The following RBFOX1 variants were observed in gnomAD, a reference collection of about 807,000 sequenced individuals.
The protein encoded by RBFOX1 is RNA binding protein fox-1 homolog 1.
Under a neutral mutation model 57.7 loss-of-function variants are expected in RBFOX1, and 8 were observed. The observed-to-expected ratio is 0.14, with a 90% confidence interval of 0.08 to 0.25. The LOEUF is 0.25. RBFOX1 is among the 10% of genes least tolerant of loss of function. The pLI, the probability that RBFOX1 is intolerant of heterozygous loss-of-function variation, is 1.00. For missense variants in RBFOX1, 611 were observed against 548.5 expected, an observed-to-expected ratio of 1.11 and a Z score of -1.14; for synonymous variants, 326 against 222.4, an observed-to-expected ratio of 1.47 and a Z score of -4.15.
At chr16:7,129,500 T>C (rs2069608650) in intron 4 of RBFOX1, among the ~76,000 whole-genome samples, 1 of 152,100 alleles carries the variant, frequency 6.6e-6, no homozygotes, top group Non-Finnish European at 1.5e-5. Flanking sequence ...ATTGGGTAAA[T>C]TTCAAGGATA....
chr16:5,934,440 A>G (rs937336758), intron 4 of RBFOX1, among the ~76,000 whole-genome samples: 1 of 152,244 alleles, frequency 6.6e-6, no homozygotes, highest in African/African-American at 2.4e-5. Flanking sequence ...TTAAAAACTG[A>G]GTCCACTTAA....
At chr16:7,233,543 G>T (rs1323652332) in intron 4 of RBFOX1, among the ~76,000 whole-genome samples, 1 of 152,120 alleles carries the variant, frequency 6.6e-6, no homozygotes, top group African/African-American at 2.4e-5. Flanking sequence ...TTAAAGTCCT[G>T]AAAATTTTAC....
At chr16:6,558,422 T>C (rs2097134530) in intron 2 of RBFOX1, among the ~76,000 whole-genome samples, 1 of 152,194 alleles carries the variant, frequency 6.6e-6, no homozygotes, top group African/African-American at 2.4e-5. Context: ...GTGCATTTTT[T>C]AGTTTTAGAA....
intron 4 of RBFOX1, among the ~76,000 whole-genome samples, chr16:7,435,400 C>T (rs1437627560): frequency 6.6e-6 from 1 of 152,006 alleles, no homozygotes; most frequent in Non-Finnish European, 1.5e-5. Flanking sequence ...ATGAAAATGA[C>T]TTATCGCTGT....
intron 1 of RBFOX1, among the ~76,000 whole-genome samples, chr16:6,114,516 C>T (rs889752393): frequency 3.9e-5 from 6 of 151,948 alleles, no homozygotes; most frequent in African/African-American, 1.5e-4. Flanking sequence ...GTTTATTCCT[C>T]ATTTTTCTAA....
intron 1 of RBFOX1, chr16:6,092,463 T>C (rs1170183804): frequency 1.3e-5 from 2 of 152,174 alleles, no homozygotes; most frequent in Non-Finnish European, 2.9e-5. Context: ...TTCTAATAAA[T>C]TGAAAATGTT....
chr16:6,855,072 G>T (rs2142144511), intron 3 of RBFOX1, among the ~76,000 whole-genome samples: 1 of 152,100 alleles, frequency 6.6e-6, no homozygotes, highest in East Asian at 1.9e-4. Context: ...AGAGGAGAGA[G>T]TGATGATCCC....
intron 3 of RBFOX1, among the ~76,000 whole-genome samples, chr16:6,945,724 C>G (rs1470943744): frequency 2.0e-5 from 3 of 152,126 alleles, no homozygotes; most frequent in Non-Finnish European, 4.4e-5. Flanking sequence ...AAACCCGTCT[C>G]TACTAAAAAT....
intron 4 of RBFOX1, among the ~76,000 whole-genome samples, chr16:7,477,968 G>C (rs932105039): frequency 2.0e-5 from 3 of 152,128 alleles, no homozygotes; most frequent in African/African-American, 7.2e-5. Context: ...TTGAGACTTT[G>C]ACTTTGATTC....
rs768834680 is a variant in RBFOX1, at chr16:7,633,401, A to G, written c.757+2718A>G. Among the ~76,000 whole-genome samples, 12 of 152,348 alleles carry G rather than the reference A, an allele frequency of 7.9e-5. No individual in the cohort carries two copies. The South Asian group carries it at 2.5e-3, about 32-fold the overall frequency. ...GTATCAGTCGTATTACCTGCACATT[A>G]TATGCCATGTGCTTTTTATAAAAAT... On this transcript the variant is annotated intron_variant, in intron 11 of 15. Transcript: ENST00000550418.
chr16:7,263,791 G>T (rs751599953), intron 4 of RBFOX1, among the ~76,000 whole-genome samples: 15 of 151,960 alleles, frequency 9.9e-5, no homozygotes, highest in Non-Finnish European at 2.1e-4. Context: ...AGCTGCTCAA[G>T]AGGTAGGCTG....
chr16:5,548,905 G>A (rs990697729), intron 2 of RBFOX1, among the ~76,000 whole-genome samples: 1 of 152,062 alleles, frequency 6.6e-6, no homozygotes, highest in African/African-American at 2.4e-5. Flanking sequence ...GGGCACTTCC[G>A]CAAAAAAACA....
chr16:6,643,899 G>GT (rs1248899198), intron 2 of RBFOX1, among the ~76,000 whole-genome samples: 3 of 152,146 alleles, frequency 2.0e-5, no homozygotes, highest in Non-Finnish European at 4.4e-5. Flanking sequence ...GCCAAGGTAG[G>GT]TGGATCACCT....
intron 3 of RBFOX1, among the ~76,000 whole-genome samples, chr16:6,660,476 C>T (rs1356379911): frequency 1.3e-5 from 2 of 152,078 alleles, no homozygotes; most frequent in African/African-American, 2.4e-5. Context: ...CAGGATTATT[C>T]AGGACGTATC....
intron 3 of RBFOX1, among the ~76,000 whole-genome samples, chr16:6,995,783 A>G (rs2092162262): frequency 6.6e-6 from 1 of 152,068 alleles, no homozygotes; most frequent in African/African-American, 2.4e-5. Context: ...ATAAAAAACA[A>G]AAAAAGGGAA....
chr16:5,373,804 A>C (rs1319111047), intron 1 of RBFOX1, among the ~76,000 whole-genome samples: 1 of 152,092 alleles, frequency 6.6e-6, no homozygotes. Flanking sequence ...GGGTTTCACC[A>C]TACTGGTCAG....
chr16:7,361,680 G>C (rs976479540), intron 4 of RBFOX1, among the ~76,000 whole-genome samples: 1 of 152,178 alleles, frequency 6.6e-6, no homozygotes, highest in Non-Finnish European at 1.5e-5. Context: ...GCTGAGCCAC[G>C]TTCCTGCCTG....
At chr16:6,873,839 A>G (rs1424881186) in intron 3 of RBFOX1, 1 of 152,220 alleles carries the variant, frequency 6.6e-6, no homozygotes, top group Non-Finnish European at 1.5e-5. Flanking sequence ...ACTTTGAAAC[A>G]TTAAGTAACT....
At chr16:6,290,241 G>C (rs1019984520) in intron 1 of RBFOX1, among the ~76,000 whole-genome samples, 1 of 148,456 alleles carries the variant, frequency 6.7e-6, no homozygotes, top group African/African-American at 2.5e-5. Flanking sequence ...ATGTCCGTGT[G>C]AATAACATGT....
Sources: allele counts gnomAD v4.1 joint callset (sites outside exome capture counted in the v4.1 genomes callset), GRCh38; gene constraint gnomAD v4.1.1; transcripts MANE v1.5; gene names NCBI Gene and HGNC (gene_info 2026-07-23, HGNC 2026-07-21).